NPAS3: variants seen among roughly 807,000 people sequenced by gnomAD.
The protein encoded by NPAS3 is neuronal PAS domain-containing protein 3.
NPAS3 carries 14 observed loss-of-function variants against 73.1 expected under a neutral mutation model. That is an observed-to-expected ratio of 0.19 (90% confidence interval 0.13 to 0.30). The LOEUF (loss-of-function observed/expected upper bound fraction) is 0.30. Among genes scored for constraint, NPAS3 ranks in the 10% least tolerant of loss-of-function variants. The probability of loss-of-function intolerance (pLI) is 1.00; values close to 1 mark genes in which losing one functional copy is unlikely to be tolerated. For synonymous variants in NPAS3, 620 were observed against 541.5 expected, an observed-to-expected ratio of 1.14 and a Z score of -2.01; for missense variants, 1,096 against 1,250.0, an observed-to-expected ratio of 0.88 and a Z score of 1.86.
At chr14:33,511,191 C>T (rs1320699757) in intron 4 of NPAS3, among the ~76,000 whole-genome samples, 1 of 152,078 alleles carries the variant, frequency 6.6e-6, no homozygotes, top group Non-Finnish European at 1.5e-5. Flanking sequence ...GCAGATGGCA[C>T]AGTTGTGAAT....
At position 33,357,394 on chromosome 14, in the gene NPAS3, G is replaced by C. The variant is rs73258861; in HGVS notation, c.386-9792G>C. 4.6e-3 allele frequency among the ~76,000 whole-genome samples: 705 copies of C among 152,338 alleles called. 4 individuals are homozygous for C. The highest frequency in any genetic ancestry group is 0.016 in the African/African-American group (666 of 41,580). ...CTCTTTGCCCAAGTGTGTGTGAAAT[G>C]TTTGCACTGGTGTGAGGCCCTGATT... On this transcript the variant is annotated intron_variant, in intron 3 of 11. Transcript: ENST00000356141.
chr14:33,779,447 A>G (rs948003294), intron 9 of NPAS3, among the ~76,000 whole-genome samples: 2 of 152,010 alleles, frequency 1.3e-5, no homozygotes, highest in Admixed American at 6.6e-5. Flanking sequence ...CCTACCCCCT[A>G]TCCATGTCCC....
At chr14:32,945,567 G>A (rs879296458) in intron 1 of NPAS3, among the ~76,000 whole-genome samples, 5 of 152,146 alleles carry the variant, frequency 3.3e-5, no homozygotes, top group Non-Finnish European at 5.9e-5. Context: ...GGTGAACTTA[G>A]GCAGTACAGT....
chr14:33,382,186 C>A (rs1017517614), intron 4 of NPAS3, among the ~76,000 whole-genome samples: 3 of 152,070 alleles, frequency 2.0e-5, no homozygotes, highest in Admixed American at 6.6e-5. Context: ...GTACTCACTT[C>A]TACATGCTGC....
chr14:33,488,456 T>C (rs2051719672), intron 4 of NPAS3, among the ~76,000 whole-genome samples: 5 of 152,136 alleles, frequency 3.3e-5, no homozygotes, highest in Admixed American at 3.3e-4. Context: ...ATCAGAGTAG[T>C]CTGAGAGCGA....
chr14:33,789,256 T>C (rs1401404517), intron 9 of NPAS3, among the ~76,000 whole-genome samples: 1 of 152,216 alleles, frequency 6.6e-6, no homozygotes, highest in African/African-American at 2.4e-5. Context: ...GAAGGTCACC[T>C]CTGTCCTCTG....
chr14:33,694,781 A>T (rs1595454996), intron 6 of NPAS3, among the ~76,000 whole-genome samples: 1 of 152,194 alleles, frequency 6.6e-6, no homozygotes, highest in Non-Finnish European at 1.5e-5. Context: ...TCCATCAGAT[A>T]CTCTGCGACA....
Position 33,461,130 on chromosome 14 carries a change from G to T in NPAS3, c.468+93862G>T, listed in dbSNP as rs1474691594. ...CCTGCCATTTATTTATTTACTTAGG[G>T]CCTGCGAGGCTTTATTTAAAATAAC... is the stretch of plus-strand genomic sequence containing the variant. On this transcript the variant is annotated intron_variant, in intron 4 of 11. Transcript: ENST00000356141. Among the ~76,000 whole-genome samples, 4 of 152,112 alleles carry T rather than the reference G, an allele frequency of 2.6e-5. No individual in the cohort carries two copies. The South Asian group carries it at 6.2e-4, about 24-fold the overall frequency.
intron 6 of NPAS3, among the ~76,000 whole-genome samples, chr14:33,706,176 A>G (rs1355815587): frequency 1.3e-5 from 2 of 152,248 alleles, no homozygotes; most frequent in East Asian, 1.9e-4. Flanking sequence ...ACATTTCTTT[A>G]TCCCTTCTTT....
At chr14:33,636,127 T>C (rs1194131931) in intron 5 of NPAS3, among the ~76,000 whole-genome samples, 1 of 152,078 alleles carries the variant, frequency 6.6e-6, no homozygotes, top group African/African-American at 2.4e-5. Context: ...TCCACGTTAG[T>C]CAGGCTGGTC....
At chr14:33,247,309 C>T (rs1029052346) in intron 3 of NPAS3, among the ~76,000 whole-genome samples, 3 of 152,122 alleles carry the variant, frequency 2.0e-5, no homozygotes, top group African/African-American at 7.2e-5. Flanking sequence ...TTGGGGAAAC[C>T]AGCTAAGCCT....
intron 6 of NPAS3, among the ~76,000 whole-genome samples, chr14:33,709,481 C>G (rs757266222): frequency 6.6e-6 from 1 of 152,224 alleles, no homozygotes; most frequent in African/African-American, 2.4e-5. Context: ...CTCGGGAGGG[C>G]AAGAGTTTAG....
intron 3 of NPAS3, among the ~76,000 whole-genome samples, chr14:33,307,612 T>TGTGTGTGTGTGTGTGTGTGTGTGTGTG (rs9322923): frequency 6.7e-6 from 1 of 149,590 alleles, no homozygotes; most frequent in Non-Finnish European, 1.5e-5. Flanking sequence ...TGTGTGTGTG[T>TGTGTGTGTGTGTGTGTGTGTGTGTGTG]TCGTGTGCGT....
intron 1 of NPAS3, among the ~76,000 whole-genome samples, chr14:33,017,177 A>G (rs2039425783): frequency 6.6e-6 from 1 of 152,138 alleles, no homozygotes; most frequent in Non-Finnish European, 1.5e-5. Flanking sequence ...AGATGAGCCA[A>G]TTTCTTGATA....
chr14:33,005,289 A>G (rs1055963160), intron 1 of NPAS3, among the ~76,000 whole-genome samples: 9 of 152,200 alleles, frequency 5.9e-5, no homozygotes, highest in Admixed American at 2.6e-4. Context: ...AGTAGGTGAT[A>G]GGAATTTTTT....
Position 33,674,068 on chromosome 14 carries a change from A to T in NPAS3, c.559-2143A>T, listed in dbSNP as rs74042371. On this transcript the variant is annotated intron_variant, in intron 5 of 11. Transcript: ENST00000356141. ...TCACCGTGCCCTAGTGCTCTGTGGC[A>T]CATCAAGACTCAGTCTTGCCCTAGA... Among the ~76,000 whole-genome samples the T allele has an allele frequency of 3.1e-3, 465 of 152,302 alleles. 3 individuals carry two copies. The highest frequency in any genetic ancestry group is 0.01 in the African/African-American group (425 of 41,558).
intron 3 of NPAS3, among the ~76,000 whole-genome samples, chr14:33,281,834 G>A (rs960496105): frequency 2.0e-5 from 3 of 152,016 alleles, no homozygotes; most frequent in African/African-American, 7.2e-5. Context: ...CTAGTAGTAT[G>A]CGTTGGCCAC....
At chr14:32,982,168 C>A (rs376175554) in intron 1 of NPAS3, among the ~76,000 whole-genome samples, 1 of 152,014 alleles carries the variant, frequency 6.6e-6, no homozygotes, top group Non-Finnish European at 1.5e-5. Flanking sequence ...TTCTTTACGG[C>A]GTGATTTCAT....
chr14:33,207,267 G>A (rs5005285), intron 2 of NPAS3, among the ~76,000 whole-genome samples: 1,755 of 16,780 alleles, frequency 0.1, 59 homozygotes, highest in African/African-American at 0.17. Flanking sequence ...ACACACACAC[G>A]CACACACACA....
Sources: allele counts gnomAD v4.1 joint callset (sites outside exome capture counted in the v4.1 genomes callset), GRCh38; gene constraint gnomAD v4.1.1; transcripts MANE v1.5; gene names NCBI Gene and HGNC (gene_info 2026-07-23, HGNC 2026-07-21).